Variants in TRAF3IP1 observed in about 807,000 individuals in gnomAD.
The protein encoded by TRAF3IP1 is TRAF3-interacting protein 1.
A neutral mutation model predicts 89.9 loss-of-function variants in TRAF3IP1; 53 were observed. That is an observed-to-expected ratio of 0.59 (90% CI 0.47 to 0.74). The LOEUF is 0.74. TRAF3IP1 is among the 30% of genes least tolerant of loss of function. The pLI, the probability that TRAF3IP1 is intolerant of heterozygous loss-of-function variation, is 0.00. For missense variants in TRAF3IP1, 806 were observed against 866.1 expected, an observed-to-expected ratio of 0.93 and a Z score of 0.87; for synonymous variants, 311 against 322.1, an observed-to-expected ratio of 0.97 and a Z score of 0.37.
chr2:238,384,067 GC>G (rs947900221), intron 15 of TRAF3IP1, among the ~76,000 whole-genome samples: 6 of 151,398 alleles, frequency 4.0e-5, no homozygotes, highest in African/African-American at 7.3e-5. Context: ...GTCTTGCAGG[GC>G]CCCCCCCATC....
intron 10 of TRAF3IP1, among the ~76,000 whole-genome samples, chr2:238,348,210 A>G (rs1033117670): frequency 6.6e-6 from 1 of 152,130 alleles, no homozygotes; most frequent in Non-Finnish European, 1.5e-5. Flanking sequence ...AATGCAAAAA[A>G]AAAAGAACAA....
At chr2:238,382,990 A>G (rs1423689907) in intron 15 of TRAF3IP1, among the ~76,000 whole-genome samples, 1 of 152,040 alleles carries the variant, frequency 6.6e-6, no homozygotes, top group Non-Finnish European at 1.5e-5. Context: ...CCATAGGATC[A>G]AGTCCGAAAT....
At chr2:238,334,856 G>C (rs1185265037) in intron 7 of TRAF3IP1, among the ~76,000 whole-genome samples, 2 of 152,236 alleles carry the variant, frequency 1.3e-5, no homozygotes, top group Non-Finnish European at 2.9e-5. Flanking sequence ...CTGGCACAAA[G>C]GGTGTGGCAT....
intron 8 of TRAF3IP1, among the ~76,000 whole-genome samples, chr2:238,343,607 A>G (rs1415956038): frequency 8.7e-5 from 13 of 149,434 alleles, no homozygotes; most frequent in Admixed American, 2.7e-4. Flanking sequence ...TTGGCCTCCT[A>G]AAGTGTTGAG....
intron 16 of TRAF3IP1, 130 bp from the exon 17 acceptor site, chr2:238,398,624 G>T (rs1574987174): frequency 1.8e-6 from 2 of 1,102,122 alleles, no homozygotes; most frequent in South Asian, 2.2e-5. Context: ...GTGAAAATAA[G>T]AAATAAATAT....
At chr2:238,388,007 T>C (rs1215841174) in intron 15 of TRAF3IP1, among the ~76,000 whole-genome samples, 1 of 152,018 alleles carries the variant, frequency 6.6e-6, no homozygotes, top group Non-Finnish European at 1.5e-5. Context: ...ATTATTAAGC[T>C]TAGAAGTCCA....
At chr2:238,389,619 G>A (rs896664724) in intron 15 of TRAF3IP1, among the ~76,000 whole-genome samples, 1 of 150,198 alleles carries the variant, frequency 6.7e-6, no homozygotes, top group Admixed American at 6.7e-5. Context: ...GTGGTAGCAG[G>A]CACCTGTAAT....
At chr2:238,336,780 T>C (rs1189299728) in intron 7 of TRAF3IP1, among the ~76,000 whole-genome samples, 4 of 152,110 alleles carry the variant, frequency 2.6e-5, no homozygotes, top group Non-Finnish European at 5.9e-5. Flanking sequence ...CCAGTGAAAA[T>C]AGTCTTTCCC....
chr2:238,353,860 G>C (rs528887298), intron 14 of TRAF3IP1, among the ~76,000 whole-genome samples: 18 of 152,268 alleles, frequency 1.2e-4, no homozygotes, highest in Middle Eastern at 3.4e-3. Flanking sequence ...TGCAACCTCT[G>C]CCTCCCGGGT....
At chr2:238,364,413 TTTC>T (rs1313110906) in intron 15 of TRAF3IP1, among the ~76,000 whole-genome samples, 3 of 151,614 alleles carry the variant, frequency 2.0e-5, no homozygotes, top group African/African-American at 7.3e-5. Flanking sequence ...AGCGTTTTTT[TTTC>T]TTTCTTCAGG....
chr2:238,331,540 G>A (rs1053801122), intron 5 of TRAF3IP1, among the ~76,000 whole-genome samples: 2 of 152,220 alleles, frequency 1.3e-5, no homozygotes, highest in African/African-American at 2.4e-5. Flanking sequence ...TCAGAGCCAA[G>A]TATAATGGTG....
In TRAF3IP1 at chr2:238,394,094, G is replaced by A. The variant is rs1005513641; in HGVS notation, c.1690-3365G>A. Among the ~76,000 whole-genome samples, 3 of 152,264 alleles carry A rather than the reference G, an allele frequency of 2.0e-5. No homozygotes were observed. The East Asian group carries it at 5.8e-4, about 29-fold the overall frequency. Reference sequence around the variant, plus strand: ...GCCTGTGATCCCAGCTACTTGGGAGGCCGAGGCAGGAGAATCGCTTGAATC... The same window carrying A: ...GCCTGTGATCCCAGCTACTTGGGAGACCGAGGCAGGAGAATCGCTTGAATC... On this transcript the variant is annotated intron_variant, in intron 15 of 16. Coordinates refer to ENST00000373327, the MANE Select transcript of TRAF3IP1 (RefSeq NM_015650.4).
At chr2:238,385,040 G>T (rs1700707468) in intron 15 of TRAF3IP1, among the ~76,000 whole-genome samples, 1 of 151,618 alleles carries the variant, frequency 6.6e-6, no homozygotes, top group South Asian at 2.1e-4. Context: ...TTTTGAGATG[G>T]ACTCTCGCTC....
At chr2:238,365,534 TG>T (rs2106343152) in intron 15 of TRAF3IP1, among the ~76,000 whole-genome samples, 1 of 152,202 alleles carries the variant, frequency 6.6e-6, no homozygotes, top group South Asian at 2.1e-4. Flanking sequence ...GGTGCATACC[TG>T]TGTTTCCAGC....
chr2:238,379,389 T>C lies in TRAF3IP1; in HGVS notation c.1690-18070T>C, dbSNP rs1264440624. Among the ~76,000 whole-genome samples, 3 of 152,290 alleles carry C rather than the reference T, an allele frequency of 2.0e-5. No homozygotes were observed. Among genetic ancestry groups the C allele is most frequent in the African/African-American group, 7.2e-5 (3 of 41,556 alleles). ...ATGCAGCTGGCTGTCAGGATGCTGG[T>C]GGAGGGAAGAGTGAGGAGTGCCAGC... On this transcript the variant is annotated intron_variant, in intron 15 of 16. Transcript: ENST00000373327. This position sits in a 1 kb window ranked among gnomAD's most constrained non-coding sequence, Gnocchi z 4.0.
intron 15 of TRAF3IP1, among the ~76,000 whole-genome samples, chr2:238,368,305 T>C (rs1699970833): frequency 6.6e-6 from 1 of 152,224 alleles, no homozygotes; most frequent in African/African-American, 2.4e-5. Flanking sequence ...GGGGATATTT[T>C]AGAGTAAAGA....
intron 10 of TRAF3IP1, among the ~76,000 whole-genome samples, 159 bp from the exon 11 acceptor site, chr2:238,348,605 T>G (rs1699006848): frequency 6.6e-6 from 1 of 152,254 alleles, no homozygotes; most frequent in South Asian, 2.1e-4. Context: ...CGATTTTCTC[T>G]TCATCAACAT....
chr2:238,322,992 C>T (rs1697633524), intron 1 of TRAF3IP1, among the ~76,000 whole-genome samples: 1 of 152,096 alleles, frequency 6.6e-6, no homozygotes, highest in African/African-American at 2.4e-5. Context: ...AGTATTTTAG[C>T]TATAGCTACA....
At chr2:238,334,411 G>A (rs911025005) in intron 7 of TRAF3IP1, among the ~76,000 whole-genome samples, 2 of 152,226 alleles carry the variant, frequency 1.3e-5, no homozygotes, top group Non-Finnish European at 2.9e-5. Flanking sequence ...GAGCATGTAG[G>A]CAGATAATGT....
Sources: gnomAD v4.1 joint callset for allele counts (sites outside exome capture counted in the v4.1 genomes callset) on GRCh38, gnomAD v4.1.1 for gene constraint, Gnocchi (gnomAD v3.1) non-coding constraint, MANE v1.5 for transcripts, NCBI Gene and HGNC (gene_info 2026-07-23, HGNC 2026-07-21) for gene names.